TDRD1: variants seen among roughly 807,000 people sequenced by gnomAD.
The protein encoded by TDRD1 is tudor domain containing 1, also known as tudor domain-containing protein 1.
In TDRD1, 37 loss-of-function variants were observed where a neutral mutation model predicts 140.6. The observed-to-expected ratio is 0.26, with a 90% CI of 0.20 to 0.35. TDRD1 has a LOEUF of 0.35. Ranked by LOEUF, TDRD1 falls within the 10% of genes least tolerant of loss-of-function variation. The pLI, the probability that TDRD1 is intolerant of heterozygous loss-of-function variation, is 1.00. For missense variants in TDRD1, 1,243 were observed against 1,393.0 expected, an observed-to-expected ratio of 0.89 and a Z score of 1.71; for synonymous variants, 506 against 475.7, an observed-to-expected ratio of 1.06 and a Z score of -0.83.
At chr10:114,182,598 T>G (rs1266364333) in intron 1 of TDRD1, among the ~76,000 whole-genome samples, 1 of 152,212 alleles carries the variant, frequency 6.6e-6, no homozygotes, top group Non-Finnish European at 1.5e-5. Context: ...CTGCCAGATG[T>G]CATTTCGGAC....
chr10:114,224,087 G>T (rs146403479), intron 21 of TDRD1, among the ~76,000 whole-genome samples: 43 of 152,270 alleles, frequency 2.8e-4, no homozygotes, highest in African/African-American at 9.1e-4. Flanking sequence ...TATTTGGGTG[G>T]ATCCTGTCCT....
In TDRD1 at chr10:114,222,486, AC is replaced by A. The variant is rs1194654387; in HGVS notation, c.2891-100del. ...ATATATTTTAAATATATTTTAATAC[AC>A]AAAGGGTTTTTGGATTGATTAGACT... On this transcript the variant is annotated intron_variant, in intron 20 of 25. Coordinates refer to ENST00000251864, the Ensembl canonical transcript of TDRD1. 1.8e-5 allele frequency: 10 copies of A among 564,626 alleles called. No homozygotes were observed. In the Admixed American group the frequency reaches 2.8e-4, roughly 16 times the overall value. 35.0% of individuals were successfully genotyped at this position (564,626 alleles called of 1,614,324 possible). A position where few individuals can be genotyped will look rare whatever the true frequency, so the allele number is the denominator to read the frequency against.
At chr10:114,195,430 G>A (rs2034276437) in intron 3 of TDRD1, among the ~76,000 whole-genome samples, 1 of 152,144 alleles carries the variant, frequency 6.6e-6, no homozygotes, top group Non-Finnish European at 1.5e-5. Context: ...AGGTATTAAA[G>A]TCTCTAACTA....
chr10:114,176,717 T>C (rs1481142850), upstream of TDRD1, among the ~76,000 whole-genome samples: 1 of 152,080 alleles, frequency 6.6e-6, no homozygotes, highest in East Asian at 1.9e-4. This position sits in a 1 kb window ranked among gnomAD's most constrained non-coding sequence, Gnocchi z 4.2. Flanking sequence ...AGGACTGCAG[T>C]GAACTATGAC....
chr10:114,210,783 A>C (rs777377233), intron 12 of TDRD1, 35 bp downstream of exon 12: 8 of 1,610,994 alleles, frequency 5.0e-6, no homozygotes, highest in Non-Finnish European at 6.8e-6. Context: ...CTATGAAGCT[A>C]AAATACTTCA....
intron 14 of TDRD1, 92 bp downstream of exon 14, chr10:114,212,128 A>G: frequency 1.7e-6 from 2 of 1,166,876 alleles, no homozygotes; most frequent in Admixed American, 5.7e-5. Flanking sequence ...GCTGCTTCTC[A>G]AAACAACATC....
At chr10:114,186,418 C>T (rs535553532) in intron 1 of TDRD1, among the ~76,000 whole-genome samples, 61 of 152,260 alleles carry the variant, frequency 4.0e-4, no homozygotes, top group African/African-American at 1.5e-3. Flanking sequence ...CACCCGCCAC[C>T]ACGCCTGGCT....
chr10:114,222,459 G>A (rs961618873), intron 20 of TDRD1, 128 bp from the exon 21 acceptor site: 10 of 427,992 alleles, frequency 2.3e-5, no homozygotes, highest in African/African-American at 2.1e-4. Context: ...TTATATACAT[G>A]TATATATTTT....
intron 4 of TDRD1, among the ~76,000 whole-genome samples, chr10:114,200,878 G>T (rs1392012793): frequency 9.1e-6 from 1 of 110,100 alleles, no homozygotes; most frequent in Non-Finnish European, 1.7e-5. Context: ...TTTTGAGACA[G>T]AGTCTCACTC....
chr10:114,202,660 C>A (rs555831392), intron 6 of TDRD1, among the ~76,000 whole-genome samples: 1 of 152,010 alleles, frequency 6.6e-6, no homozygotes, highest in Non-Finnish European at 1.5e-5. Context: ...ATTTGTAATC[C>A]GAAAAACATC....
chr10:114,215,583 C>T (rs374553047), intron 16 of TDRD1, among the ~76,000 whole-genome samples: 1 of 151,960 alleles, frequency 6.6e-6, no homozygotes, highest in African/African-American at 2.4e-5. Context: ...TTAAGTTTTC[C>T]AAATATTGGT....
chr10:114,204,144 T>C, exon 9 of TDRD1: 1 of 1,602,770 alleles, frequency 6.2e-7, no homozygotes. Flanking sequence ...ATATTGATTA[T>C]GGAAATGAAG....
intron 1 of TDRD1, among the ~76,000 whole-genome samples, chr10:114,183,027 A>G (rs555572545): frequency 2.6e-5 from 4 of 152,308 alleles, no homozygotes; most frequent in Non-Finnish European, 5.9e-5. Flanking sequence ...ATAAAGCACC[A>G]TGGTGGATAT....
exon 10 of TDRD1, chr10:114,204,784 C>G (rs1180131954): frequency 3.7e-6 from 6 of 1,605,066 alleles, no homozygotes; most frequent in Non-Finnish European, 5.1e-6. Flanking sequence ...GTGATTGTAT[C>G]AAAGCTACTA....
downstream of TDRD1, among the ~76,000 whole-genome samples, chr10:114,232,471 T>C (rs1589727433): frequency 6.6e-6 from 1 of 151,264 alleles, no homozygotes; most frequent in African/African-American, 2.4e-5. Context: ...AAACCTAAGA[T>C]GTTTCTCACC....
chr10:114,195,979 A>G (rs1360465050), intron 3 of TDRD1, among the ~76,000 whole-genome samples: 1 of 152,252 alleles, frequency 6.6e-6, no homozygotes, highest in Non-Finnish European at 1.5e-5. Context: ...CAATCTGAGT[A>G]TAGTGCAGAC....
chr10:114,213,468 C>T (rs2035616110), exon 15 of TDRD1: 2 of 1,614,004 alleles, frequency 1.2e-6, no homozygotes, highest in Non-Finnish European at 1.7e-6. Context: ...CCTGGTGGAG[C>T]TTATTGATAA....
chr10:114,208,483 C>T (rs2035269464), intron 11 of TDRD1, among the ~76,000 whole-genome samples: 2 of 152,194 alleles, frequency 1.3e-5, no homozygotes, highest in African/African-American at 4.8e-5. Flanking sequence ...TGGCTGAAAG[C>T]CTTTACAACT....
Position 114,203,682 on chromosome 10 carries a change from G to A in TDRD1, c.981+115G>A, listed in dbSNP as rs1006283591. On this transcript the variant is annotated intron_variant, in intron 8 of 25. Coordinates refer to ENST00000251864, the Ensembl canonical transcript of TDRD1. ...AGGCTTAAAGCCAGCCTCTGATCAC[G>A]CTTCTATTCCTCTTCAGTATCCCGT... 64 of 913,086 alleles carry A rather than the reference G, an allele frequency of 7.0e-5. 1 individual carries two copies. The highest frequency in any genetic ancestry group is 1.4e-4 in the Admixed American group (5 of 35,306). 56.6% of individuals were successfully genotyped at this position (913,086 alleles called of 1,614,324 possible).
Sources: gnomAD v4.1 joint callset for allele counts (sites outside exome capture counted in the v4.1 genomes callset) on GRCh38, gnomAD v4.1.1 for gene constraint, Gnocchi (gnomAD v3.1) non-coding constraint, MANE v1.5 for transcripts, NCBI Gene and HGNC (gene_info 2026-07-23, HGNC 2026-07-21) for gene names.